SKIC3: variants seen among roughly 807,000 people sequenced by gnomAD.
The protein encoded by SKIC3 is superkiller complex protein 3.
At chr5:95,532,147 T>C in the SKIC3 span, among the ~76,000 whole-genome samples, 1 of 152,100 alleles carries the variant, frequency 6.6e-6, no homozygotes, top group Admixed American at 6.6e-5. Context: ...GAAATATACC[T>C]GGGATGAAAA....
the SKIC3 span, chr5:95,484,731 CAG>C: frequency 1.9e-6 from 3 of 1,614,116 alleles, no homozygotes; most frequent in South Asian, 2.2e-5. Flanking sequence ...TACCTTTGTG[CAG>C]AGAGTTTCAG....
the SKIC3 span, chr5:95,516,797 G>C: frequency 2.1e-5 from 33 of 1,594,188 alleles, no homozygotes; most frequent in Non-Finnish European, 2.8e-5. Context: ...TGGAATAGCA[G>C]CATGTATATC....
chr5:95,547,168 C>T, the SKIC3 span: 1 of 1,610,208 alleles, frequency 6.2e-7, no homozygotes, highest in Non-Finnish European at 8.5e-7. Flanking sequence ...AGGCAGAAAG[C>T]CTGAGTAAAT....
At chr5:95,507,302 C>G in the SKIC3 span, among the ~76,000 whole-genome samples, 1 of 152,152 alleles carries the variant, frequency 6.6e-6, no homozygotes, top group African/African-American at 2.4e-5. Context: ...GACTATGTCA[C>G]AGTTTAAAGT....
the SKIC3 span, chr5:95,528,076 T>C: frequency 6.2e-7 from 1 of 1,613,842 alleles, no homozygotes; most frequent in Non-Finnish European, 8.5e-7. Context: ...TCAAAGCCTC[T>C]GCTTTCAAAT....
the SKIC3 span, among the ~76,000 whole-genome samples, chr5:95,543,632 C>T: frequency 1.3e-5 from 2 of 152,198 alleles, no homozygotes; most frequent in African/African-American, 2.4e-5. Flanking sequence ...ACAATAACTA[C>T]TCAATCATCC....
the SKIC3 span, among the ~76,000 whole-genome samples, chr5:95,473,785 C>T: frequency 6.6e-6 from 1 of 151,996 alleles, no homozygotes; most frequent in African/African-American, 2.4e-5. Context: ...TGCTGATTTA[C>T]GTTCCTTATT....
the SKIC3 span, among the ~76,000 whole-genome samples, chr5:95,530,854 T>G: frequency 2.0e-5 from 3 of 152,182 alleles, no homozygotes; most frequent in Middle Eastern, 3.2e-3. Context: ...GGTAAAATAG[T>G]TTAGAAAACA....
the SKIC3 span, chr5:95,536,667 A>C: frequency 2.9e-6 from 2 of 697,152 alleles, no homozygotes; most frequent in Non-Finnish European, 5.1e-6. Context: ...TTTCATATAC[A>C]CAAAGACTAC....
the SKIC3 span, among the ~76,000 whole-genome samples, chr5:95,531,340 G>A: frequency 6.6e-6 from 1 of 152,178 alleles, no homozygotes; most frequent in Non-Finnish European, 1.5e-5. Context: ...CAGTATATTT[G>A]GCAAAATATG....
chr5:95,540,151 A>C, the SKIC3 span, among the ~76,000 whole-genome samples: 1 of 152,342 alleles, frequency 6.6e-6, no homozygotes, highest in South Asian at 2.1e-4. Context: ...CCTGGATGGA[A>C]CTGGAGACTA....
chr5:95,465,658 C>T, the SKIC3 span, among the ~76,000 whole-genome samples: 1 of 152,172 alleles, frequency 6.6e-6, no homozygotes, highest in Non-Finnish European at 1.5e-5. Flanking sequence ...TGAACATCAA[C>T]ATATTTGCCT....
the SKIC3 span, among the ~76,000 whole-genome samples, chr5:95,539,961 T>C: frequency 6.6e-6 from 1 of 152,034 alleles, no homozygotes; most frequent in Non-Finnish European, 1.5e-5. Context: ...CACATGCATG[T>C]TTATAGCGGC....
chr5:95,502,663 G>C, the SKIC3 span, among the ~76,000 whole-genome samples: 3 of 152,126 alleles, frequency 2.0e-5, no homozygotes, highest in African/African-American at 7.2e-5. Context: ...ATGCAACAGA[G>C]TAATGGACAG....
chr5:95,541,317 C>A, the SKIC3 span: 1 of 1,613,706 alleles, frequency 6.2e-7, no homozygotes, highest in South Asian at 1.1e-5. Flanking sequence ...CTAGGTGTTT[C>A]TTTTCTTGGT....
chr5:95,515,537 T>C, the SKIC3 span, among the ~76,000 whole-genome samples: 2 of 152,138 alleles, frequency 1.3e-5, no homozygotes, highest in Non-Finnish European at 2.9e-5. Flanking sequence ...TTTCCTATTT[T>C]TAAAAAGTAA....
At chr5:95,513,461 G>A in the SKIC3 span, 1 of 1,192,320 alleles carries the variant, frequency 8.4e-7, no homozygotes, top group Non-Finnish European at 1.2e-6. Context: ...CCAAATCACT[G>A]GGATTACAGG....
the SKIC3 span, chr5:95,469,898 T>A: frequency 6.2e-7 from 1 of 1,614,064 alleles, no homozygotes; most frequent in South Asian, 1.1e-5. Context: ...CAGTGATCAT[T>A]GGAAATGTTA....
chr5:95,536,797 T>A, the SKIC3 span: 1 of 1,581,962 alleles, frequency 6.3e-7, no homozygotes, highest in Non-Finnish European at 8.7e-7. Context: ...GGACACACAC[T>A]ATAATAAGGA....
Sources: allele counts gnomAD v4.1 joint callset (sites outside exome capture counted in the v4.1 genomes callset), GRCh38; gene constraint gnomAD v4.1.1; transcripts MANE v1.5; gene names NCBI Gene and HGNC (gene_info 2026-07-23, HGNC 2026-07-21).